COP1: variants seen among roughly 807,000 people sequenced by gnomAD.
COP1 encodes the protein E3 ubiquitin-protein ligase COP1.
In COP1, 24 loss-of-function variants were observed where a neutral mutation model predicts 101.3. The observed-to-expected ratio is 0.24, with a 90% CI of 0.17 to 0.33. The LOEUF is 0.33. COP1 is among the 10% of genes least tolerant of loss of function. The pLI, the probability that COP1 is intolerant of heterozygous loss-of-function variation, is 1.00. For missense variants in COP1, 663 were observed against 906.2 expected, an observed-to-expected ratio of 0.73 and a Z score of 3.45; for synonymous variants, 347 against 341.9, an observed-to-expected ratio of 1.01 and a Z score of -0.17.
chr1:176,189,926 A>G (rs17352072), intron 1 of COP1, among the ~76,000 whole-genome samples: 16,518 of 152,030 alleles, frequency 0.11, 986 homozygotes, highest in Middle Eastern at 0.16. Flanking sequence ...AGAAAGAATT[A>G]TTTTAAAAGG....
chr1:176,045,752 T>C (rs985082885), intron 12 of COP1, among the ~76,000 whole-genome samples: 1 of 151,914 alleles, frequency 6.6e-6, no homozygotes, highest in Non-Finnish European at 1.5e-5. Context: ...ATTCCTTCAG[T>C]GAAAAGCAGA....
intron 1 of COP1, among the ~76,000 whole-genome samples, chr1:176,203,659 G>T (rs10913150): frequency 0.75 from 114,287 of 152,118 alleles, 44,871 homozygotes; most frequent in East Asian, 0.92. Context: ...CTACTGTCCT[G>T]TATTAGATTC....
chr1:176,143,028 A>G (rs1690946053), intron 6 of COP1, among the ~76,000 whole-genome samples: 1 of 152,044 alleles, frequency 6.6e-6, no homozygotes, highest in Admixed American at 6.6e-5. Flanking sequence ...GAAAACAAAC[A>G]AAACAGAGAG....
rs542793120 is a variant in COP1 at position 176,057,448 on chromosome 1, C to A, written c.1278-11124G>T. Among the ~76,000 whole-genome samples the A allele has an allele frequency of 4.7e-4, 72 of 152,316 alleles. 1 individual carries two copies. The highest frequency in any genetic ancestry group is 1.8e-3 in the Admixed American group (28 of 15,310). On this transcript the variant is annotated intron_variant, in intron 11 of 19. Coordinates refer to ENST00000367669, the MANE Select transcript of COP1 (RefSeq NM_022457.7). ...GCAACCCCCCTGCCTGATTCTCCTG[C>A]CTCAGCCTGCCGAGTGCCTGCGATT...
chr1:176,141,586 G>A (rs1261427534), intron 6 of COP1, among the ~76,000 whole-genome samples: 1 of 152,052 alleles, frequency 6.6e-6, no homozygotes, highest in Non-Finnish European at 1.5e-5. Flanking sequence ...AAAGCATTTA[G>A]CCATATGAAG....
At chr1:176,060,973 T>C (rs1440102720) in intron 11 of COP1, among the ~76,000 whole-genome samples, 1 of 152,118 alleles carries the variant, frequency 6.6e-6, no homozygotes, top group Non-Finnish European at 1.5e-5. Context: ...AAAATGTACA[T>C]GGAAATGTAA....
intron 14 of COP1, among the ~76,000 whole-genome samples, chr1:176,029,431 C>A (rs1225953953): frequency 6.6e-6 from 1 of 152,164 alleles, no homozygotes; most frequent in Admixed American, 6.5e-5. Flanking sequence ...ACTATCATAT[C>A]ATTTTTCAAC....
At chr1:176,162,746 T>C in intron 5 of COP1, 123 bp downstream of exon 5, 2 of 752,734 alleles carry the variant, frequency 2.7e-6, no homozygotes, top group Non-Finnish European at 2.0e-6. Flanking sequence ...TTGTAGCTGT[T>C]TCTAGCTGAG....
Position 175,954,203 on chromosome 1 carries a change from G to A in COP1, c.2134-6964C>T, listed in dbSNP as rs142933471. ...ATATACTCCCAAATAACCCAGGGAT[G>A]GAAATGAGAAACCATTTTGAACTAA... On this transcript the variant is annotated intron_variant, in intron 18 of 19. Transcript: ENST00000367669. Among the ~76,000 whole-genome samples, 7 of 152,204 alleles carry A rather than the reference G, an allele frequency of 4.6e-5. No homozygotes were observed. In the East Asian group the frequency reaches 1.2e-3, roughly 25 times the overall value.
At chr1:176,120,090 A>T (rs756344400) in intron 8 of COP1, among the ~76,000 whole-genome samples, 2 of 152,240 alleles carry the variant, frequency 1.3e-5, no homozygotes, top group African/African-American at 2.4e-5. Flanking sequence ...TTTAAAGAGA[A>T]AAATGAAAAA....
rs139990429 is a variant in COP1 at position 175,994,960 on chromosome 1, C to T, written c.1730-5481G>A. Among the ~76,000 whole-genome samples, 398 of 152,254 alleles carry T rather than the reference C, an allele frequency of 2.6e-3. 3 individuals carry two copies. The highest frequency in any genetic ancestry group is 9.1e-3 in the African/African-American group (379 of 41,544). Reference sequence around the variant, plus strand: ...AATATACATTTTTTTCAGCACCACACAACACCTATTCCAAAATTGACCACA... The same window carrying T: ...AATATACATTTTTTTCAGCACCACATAACACCTATTCCAAAATTGACCACA... On this transcript the variant is annotated intron_variant, in intron 15 of 19. Coordinates refer to ENST00000367669, the MANE Select transcript of COP1 (RefSeq NM_022457.7).
At chr1:176,076,927 GA>G (rs1191243340) in intron 11 of COP1, among the ~76,000 whole-genome samples, 2 of 152,060 alleles carry the variant, frequency 1.3e-5, no homozygotes, top group African/African-American at 4.8e-5. Flanking sequence ...ATAAGAAAGT[GA>G]AAATCTGAAC....
intron 2 of COP1, among the ~76,000 whole-genome samples, chr1:176,180,034 T>TA (rs1436693933): frequency 5.9e-5 from 9 of 152,204 alleles, no homozygotes. Flanking sequence ...GAGCGTATCT[T>TA]AGAGCATCTA....
chr1:176,171,471 A>G (rs149786709), intron 3 of COP1, among the ~76,000 whole-genome samples: 2 of 152,210 alleles, frequency 1.3e-5, no homozygotes, highest in South Asian at 2.1e-4. Context: ...AACTTTCTCC[A>G]TATCAGCAAT....
intron 15 of COP1, among the ~76,000 whole-genome samples, chr1:175,995,667 G>A (rs1028483058): frequency 2.0e-5 from 3 of 152,096 alleles, no homozygotes; most frequent in African/African-American, 4.8e-5. Flanking sequence ...TAAATTCCTC[G>A]ACACATACAC....
intron 15 of COP1, among the ~76,000 whole-genome samples, chr1:175,995,709 T>A (rs1170017154): frequency 6.6e-6 from 1 of 152,148 alleles, no homozygotes; most frequent in African/African-American, 2.4e-5. Flanking sequence ...AGAAATTGAA[T>A]CTCTGAATAG....
intron 19 of COP1, 140 bp from the exon 20 acceptor site, chr1:175,945,310 A>G: frequency 1.6e-6 from 1 of 624,636 alleles, no homozygotes; most frequent in Non-Finnish European, 2.8e-6. Context: ...AAGAATTTGA[A>G]TGGATTGGAC....
intron 15 of COP1, among the ~76,000 whole-genome samples, chr1:176,017,911 C>T (rs759330622): frequency 2.0e-5 from 3 of 152,164 alleles, no homozygotes; most frequent in Admixed American, 6.5e-5. Flanking sequence ...TTTTAGAGAA[C>T]TGAAAGAAAG....
chr1:176,179,434 G>A (rs1164871404), intron 2 of COP1, among the ~76,000 whole-genome samples: 3 of 152,196 alleles, frequency 2.0e-5, no homozygotes, highest in African/African-American at 7.2e-5. Flanking sequence ...AGGCTGTTAA[G>A]TCAGAGAGGA....
Sources: gnomAD v4.1 joint callset for allele counts (sites outside exome capture counted in the v4.1 genomes callset) on GRCh38, gnomAD v4.1.1 for gene constraint, MANE v1.5 for transcripts, NCBI Gene and HGNC (gene_info 2026-07-23, HGNC 2026-07-21) for gene names.